LRBA: variants seen among roughly 807,000 people sequenced by gnomAD.
LRBA encodes the protein lipopolysaccharide-responsive and beige-like anchor protein.
Under a neutral mutation model 330.0 loss-of-function variants are expected in LRBA, and 176 were observed. The ratio of observed to expected loss-of-function variants is 0.53; its 90% CI spans 0.47 to 0.60. The LOEUF is 0.60. LRBA is among the 20% of genes least tolerant of loss of function. LRBA has a pLI of 0.00. For missense variants in LRBA, 3,259 were observed against 3,444.8 expected (o/e 0.95, Z 1.35); for synonymous variants, 1,230 against 1,193.0 (o/e 1.03, Z -0.64).
chr4:150,464,790 G>C (rs1225793935), intron 44 of LRBA, among the ~76,000 whole-genome samples: 1 of 151,972 alleles, frequency 6.6e-6, no homozygotes, highest in African/African-American at 2.4e-5. Flanking sequence ...GAATGTTTAG[G>C]GCATATTCTC....
At position 150,485,166 on chromosome 4, in the gene LRBA, T is replaced by C. The variant is rs574137508; in HGVS notation, c.6551+2566A>G. ...TGGTTAATAATGTTCCAGTCTTCAG[T>C]ATGCTTACTGATTTTTTGTCTACCT... On this transcript the variant is annotated intron_variant, in intron 42 of 56. Coordinates refer to ENST00000651943, the MANE Select transcript of LRBA (RefSeq NM_001364905.1). Among the ~76,000 whole-genome samples, 5 of 152,018 alleles carry C rather than the reference T, an allele frequency of 3.3e-5. No homozygotes were observed. In the East Asian group the frequency reaches 5.8e-4, roughly 18 times the overall value.
At chr4:150,376,239 A>T (rs1232902686) in intron 47 of LRBA, among the ~76,000 whole-genome samples, 1 of 152,068 alleles carries the variant, frequency 6.6e-6, no homozygotes, top group East Asian at 1.9e-4. Flanking sequence ...AGGTGTCCTT[A>T]TTTTACTTTT....
chr4:150,613,477 T>C (rs1775463242), intron 37 of LRBA, among the ~76,000 whole-genome samples: 1 of 152,188 alleles, frequency 6.6e-6, no homozygotes, highest in Non-Finnish European at 1.5e-5. Flanking sequence ...AACAATTGGG[T>C]ATAAGCTAAA....
At chr4:150,851,653 C>A (rs1439021549) in intron 23 of LRBA, among the ~76,000 whole-genome samples, 1 of 152,154 alleles carries the variant, frequency 6.6e-6, no homozygotes, top group Non-Finnish European at 1.5e-5. Context: ...AAAGTGGTAA[C>A]TTCTGGTGAT....
At chr4:150,282,374 G>C in intron 55 of LRBA, 76 bp downstream of exon 55, 4 of 1,343,896 alleles carry the variant, frequency 3.0e-6, no homozygotes, top group Middle Eastern at 2.1e-4. Flanking sequence ...GGTTTCTTTC[G>C]CGAACCCTCT....
chr4:150,989,744 GAAGGAA>G (rs1457015692), intron 2 of LRBA, among the ~76,000 whole-genome samples: 1 of 151,292 alleles, frequency 6.6e-6, no homozygotes, highest in Non-Finnish European at 1.5e-5. Context: ...AAGAAAGAAA[GAAGGAA>G]ATAAAAAAGG....
intron 37 of LRBA, among the ~76,000 whole-genome samples, chr4:150,671,241 C>G (rs1385414322): frequency 6.6e-6 from 1 of 152,108 alleles, no homozygotes; most frequent in African/African-American, 2.4e-5. Flanking sequence ...CTTCCTGTAT[C>G]TCTTTTTGTA....
intron 46 of LRBA, among the ~76,000 whole-genome samples, chr4:150,416,852 T>C (rs1260104911): frequency 6.6e-6 from 1 of 152,112 alleles, no homozygotes; most frequent in East Asian, 1.9e-4. Flanking sequence ...TCTCATACCA[T>C]AAATAAATAA....
At chr4:150,527,581 T>C (rs1763609327) in intron 40 of LRBA, among the ~76,000 whole-genome samples, 1 of 152,200 alleles carries the variant, frequency 6.6e-6, no homozygotes, top group Non-Finnish European at 1.5e-5. Flanking sequence ...ATGACAGCTA[T>C]GGGCTATGTA....
chr4:150,590,799 T>C lies in LRBA; in HGVS notation c.6107A>G (p.Asn2036Ser). The stretch of plus-strand genomic sequence containing the variant: ...GAGGATCTCGTTTTCTGAGTTCTGA[T>C]TTCCTAAAGCCTGACTCCTGATGGA... Reference protein sequence around the residue: ...KQSIRSQALGNQNSENEILLE... With the variant: ...KQSIRSQALGSQNSENEILLE... Residue 2036 changes from asparagine (N) to serine (S), a missense_variant, in exon 39 of 57, where the codon AAT becomes AGT. Asn to Ser is a conservative substitution (Grantham distance 46). Coordinates refer to ENST00000651943, the MANE Select transcript of LRBA (RefSeq NM_001364905.1). 6.2e-7 allele frequency: 1 copy of C among 1,613,812 alleles called. No individual in the cohort carries two copies. The highest frequency in any genetic ancestry group is 8.5e-7 in the Non-Finnish European group (1 of 1,179,694).
intron 36 of LRBA, among the ~76,000 whole-genome samples, chr4:150,685,792 T>C (rs762464270): frequency 4.6e-5 from 7 of 151,948 alleles, no homozygotes; most frequent in Non-Finnish European, 1.0e-4. Context: ...AAAAGCTGAA[T>C]TGTATAAAGA....
chr4:150,604,766 C>A (rs1392364104), intron 37 of LRBA, among the ~76,000 whole-genome samples: 2 of 152,098 alleles, frequency 1.3e-5, no homozygotes, highest in Non-Finnish European at 2.9e-5. Flanking sequence ...ATGCCACAGC[C>A]CAAGTGCTAG....
intron 52 of LRBA, among the ~76,000 whole-genome samples, chr4:150,308,460 T>A (rs1023600064): frequency 6.6e-6 from 1 of 152,262 alleles, no homozygotes; most frequent in African/African-American, 2.4e-5. Context: ...ATAACTCTGT[T>A]ACTGGTTTAT....
At chr4:150,570,245 T>C (rs530368041) in intron 40 of LRBA, among the ~76,000 whole-genome samples, 2 of 152,248 alleles carry the variant, frequency 1.3e-5, no homozygotes, top group East Asian at 3.9e-4. Context: ...TCCAAGTTCT[T>C]TTGGAGAACA....
At chr4:150,350,287 T>G in intron 47 of LRBA, 128 bp from the exon 48 acceptor site, 1 of 746,832 alleles carries the variant, frequency 1.3e-6, no homozygotes, top group Non-Finnish European at 2.0e-6. Context: ...AAACAAAACT[T>G]GTGGCCGGGC....
At chr4:150,561,802 A>G (rs181092106) in intron 40 of LRBA, among the ~76,000 whole-genome samples, 98 of 152,276 alleles carry the variant, frequency 6.4e-4, no homozygotes, top group African/African-American at 2.3e-3. Context: ...TCTCTTACAA[A>G]AAGTGTAATA....
intron 40 of LRBA, among the ~76,000 whole-genome samples, chr4:150,519,231 A>G (rs1479834799): frequency 6.6e-6 from 1 of 152,148 alleles, no homozygotes; most frequent in Non-Finnish European, 1.5e-5. Flanking sequence ...ATTAAGGTAT[A>G]GAAAATACTT....
intron 40 of LRBA, among the ~76,000 whole-genome samples, chr4:150,562,209 A>C (rs1028386997): frequency 2.0e-5 from 3 of 152,154 alleles, no homozygotes; most frequent in African/African-American, 4.8e-5. Context: ...CAAATCTACC[A>C]ATCAACATAT....
rs1783253668 is a variant in LRBA at position 150,683,691 on chromosome 4, G to C, written c.5781C>G (p.Asp1927Glu). ...FESLCAQYSA[D>E]KREDEKMCDH... is the part of the protein sequence containing the mutation. ...CACACATCTTCTCATCTTCTCGTTT[G>C]TCTGCAGAATACTGGGCACACAGTG... The change falls in exon 37 of 57, where the codon GAC becomes GAG. Residue 1927 changes from aspartate (D) to glutamate (E), a missense_variant. Transcript: ENST00000651943. 6.2e-7 allele frequency: 1 copy of C among 1,612,398 alleles called. No homozygotes were observed. The highest frequency in any genetic ancestry group is 1.3e-5 in the African/African-American group (1 of 74,736).
Sources: allele counts gnomAD v4.1 joint callset (sites outside exome capture counted in the v4.1 genomes callset), GRCh38; gene constraint gnomAD v4.1.1; transcripts MANE v1.5; gene names NCBI Gene and HGNC (gene_info 2026-07-23, HGNC 2026-07-21).